The following KCTD14 variants were observed in gnomAD, a reference collection of about 807,000 sequenced individuals.
KCTD14 encodes the protein potassium channel tetramerization domain containing 14, also known as BTB/POZ domain-containing protein KCTD14.
A neutral mutation model predicts 5.9 loss-of-function variants in KCTD14; 7 were observed. The ratio of observed to expected loss-of-function variants is 1.19; its 90% CI spans 0.68 to 2.23. KCTD14 has a LOEUF of 2.23. KCTD14 is among the 30% of genes most tolerant of loss of function. The pLI is 0.00. For missense variants in KCTD14, 342 were observed against 332.2 expected (o/e 1.03, Z -0.23); for synonymous variants, 140 against 133.1 (o/e 1.05, Z -0.36).
chr11:78,030,167 T>A (rs59087527), intron 2 of KCTD14, among the ~76,000 whole-genome samples: 1 of 152,056 alleles, frequency 6.6e-6, no homozygotes, highest in Non-Finnish European at 1.5e-5. Context: ...TGCTTCTTTT[T>A]TCCCCCCCTC....
chr11:78,039,573 C>T (rs772108279), intron 1 of KCTD14, among the ~76,000 whole-genome samples: 2 of 151,318 alleles, frequency 1.3e-5, no homozygotes, highest in African/African-American at 2.4e-5. Context: ...CATGTATGAG[C>T]CTGGGGCAAC....
At chr11:78,024,781 A>G (rs1021996874), upstream of KCTD14, among the ~76,000 whole-genome samples, 7 of 151,540 alleles carry the variant, frequency 4.6e-5, no homozygotes, top group African/African-American at 1.7e-4. Context: ...CCCCATCTCT[A>G]CAAAATACAA....
At chr11:78,045,270 T>C (rs1232402646) in intron 1 of KCTD14, among the ~76,000 whole-genome samples, 4 of 152,152 alleles carry the variant, frequency 2.6e-5, no homozygotes, top group South Asian at 2.1e-4. Context: ...GCCCAGCTAA[T>C]TTTTTTGTAT....
Position 78,017,270 on chromosome 11 carries a change from T to A in KCTD14, c.91A>T (p.Met31Leu). ...ACGTTCAGCTCCACAACAGTAGACA[T>A]CTGGGGGCACAAGAGGCAGAGTAAA... is the stretch of plus-strand genomic sequence containing the variant. ...PQSPRPRRPTMSTVVELNVGG... is the reference protein window; with the variant it reads ...PQSPRPRRPTLSTVVELNVGG... The change falls in exon 2 of 2, where the codon ATG becomes TTG. Residue 31 changes from methionine to leucine, a missense_variant and splice_region_variant. By Grantham distance (15) the Met-to-Leu change is conservative. Coordinates refer to ENST00000353172, the MANE Select transcript of KCTD14 (RefSeq NM_023930.4). 6.3e-7 allele frequency: 1 copy of A among 1,582,448 alleles called. No individual in the cohort carries two copies. Among genetic ancestry groups the A allele is most frequent in the Non-Finnish European group, 8.6e-7 (1 of 1,159,050 alleles).
intron 2 of KCTD14, chr11:78,038,646 A>G: frequency 6.5e-6 from 10 of 1,535,484 alleles, no homozygotes; most frequent in Non-Finnish European, 8.7e-6. Flanking sequence ...GACCCAAGAG[A>G]GGGGGTGACC....
At chr11:78,034,449 C>T (rs1857729022) in intron 2 of KCTD14, among the ~76,000 whole-genome samples, 1 of 151,790 alleles carries the variant, frequency 6.6e-6, no homozygotes, top group Admixed American at 6.6e-5. Context: ...TTTATACTGT[C>T]TTAATCTTTC....
chr11:78,037,895 T>G (rs968584519), intron 2 of KCTD14, among the ~76,000 whole-genome samples: 2 of 151,924 alleles, frequency 1.3e-5, no homozygotes, highest in African/African-American at 4.8e-5. Flanking sequence ...TTCTTTTTCT[T>G]GAGCTAGGTG....
intron 1 of KCTD14, among the ~76,000 whole-genome samples, chr11:78,020,590 G>A (rs140971476): frequency 2.6e-5 from 4 of 152,202 alleles, no homozygotes; most frequent in Non-Finnish European, 2.9e-5. Context: ...TGTAAAGCTC[G>A]CAGTTAAATG....
intron 2 of KCTD14, chr11:78,038,599 A>G: frequency 6.6e-7 from 1 of 1,521,086 alleles, no homozygotes; most frequent in Non-Finnish European, 8.8e-7. Context: ...CCCCAAGTGA[A>G]CAGCTTCTCC....
upstream of KCTD14, among the ~76,000 whole-genome samples, chr11:78,024,409 T>TAC (rs1359154174): frequency 3.6e-4 from 45 of 124,224 alleles, no homozygotes; most frequent in Non-Finnish European, 6.4e-4. Flanking sequence ...TATATATATA[T>TAC]ATACACACAC....
upstream of KCTD14, among the ~76,000 whole-genome samples, chr11:78,027,861 A>G (rs1857508474): frequency 6.6e-6 from 1 of 152,114 alleles, no homozygotes; most frequent in Non-Finnish European, 1.5e-5. Context: ...AATATTTCTT[A>G]TCAGACTTAA....
At chr11:78,030,807 C>A (rs1857591375) in intron 2 of KCTD14, among the ~76,000 whole-genome samples, 1 of 152,120 alleles carries the variant, frequency 6.6e-6, no homozygotes, top group Admixed American at 6.5e-5. Context: ...TCAGCTGTGC[C>A]ACGAGGCATC....
upstream of KCTD14, among the ~76,000 whole-genome samples, chr11:78,026,647 T>C (rs11237363): frequency 6.6e-6 from 1 of 152,032 alleles, no homozygotes; most frequent in East Asian, 1.9e-4. Flanking sequence ...CATGTGCCTG[T>C]AGTCTCAGCT....
upstream of KCTD14, among the ~76,000 whole-genome samples, chr11:78,024,380 CAAA>C (rs56296835): frequency 0.45 from 55,503 of 123,030 alleles, 13,057 homozygotes; most frequent in Admixed American, 0.56. Flanking sequence ...GATTCCCTCT[CAAA>C]AAAAAAAAAA....
At chr11:78,036,960 T>C (rs115396195) in intron 2 of KCTD14, among the ~76,000 whole-genome samples, 2,844 of 152,320 alleles carry the variant, frequency 0.019, 80 homozygotes, top group African/African-American at 0.062. Flanking sequence ...AGGAAGTACA[T>C]GCTGTTGTCC....
Position 78,016,570 on chromosome 11 carries a change from A to G in KCTD14, c.*23T>C, listed in dbSNP as rs1337163865. On this transcript the variant is annotated 3_prime_UTR_variant, in exon 2 of 2. Coordinates refer to ENST00000353172, the MANE Select transcript of KCTD14 (RefSeq NM_023930.4). Reference sequence around the variant, plus strand: ...AATTTCATAAGCCACGCCAGAATTCATAACAGTCTCTGCTCCTGAGGATCA... The same window carrying G: ...AATTTCATAAGCCACGCCAGAATTCGTAACAGTCTCTGCTCCTGAGGATCA... 2.5e-6 allele frequency: 4 copies of G among 1,592,388 alleles called. No individual in the cohort carries two copies. Among genetic ancestry groups the G allele is most frequent in the Non-Finnish European group, 3.4e-6 (4 of 1,165,378 alleles).
chr11:78,028,717 G>C (rs1857537577), intron 2 of KCTD14, among the ~76,000 whole-genome samples: 1 of 152,100 alleles, frequency 6.6e-6, no homozygotes, highest in East Asian at 1.9e-4. Flanking sequence ...GAGATCAGCA[G>C]ATCAGTTGAG....
At chr11:78,045,487 C>T (rs1046884006) in intron 1 of KCTD14, among the ~76,000 whole-genome samples, 8 of 152,198 alleles carry the variant, frequency 5.3e-5, no homozygotes, top group Non-Finnish European at 1.0e-4. Flanking sequence ...CTTAGCAGAA[C>T]TCAGGCTCAA....
chr11:78,020,432 C>T (rs751591538), intron 1 of KCTD14, among the ~76,000 whole-genome samples: 54 of 152,174 alleles, frequency 3.5e-4, no homozygotes, highest in Admixed American at 1.1e-3. Context: ...GTTCTGCTGA[C>T]TGGAAGGGAG....
Sources: gnomAD v4.1 joint callset for allele counts (sites outside exome capture counted in the v4.1 genomes callset) on GRCh38, gnomAD v4.1.1 for gene constraint, MANE v1.5 for transcripts, NCBI Gene and HGNC (gene_info 2026-07-23, HGNC 2026-07-21) for gene names.